USH2A: variants seen among roughly 807,000 people sequenced by gnomAD.
USH2A encodes Usher syndrome 2A (autosomal recessive, mild).
Under a neutral mutation model 538.9 loss-of-function variants are expected in USH2A, and 443 were observed. The ratio of observed to expected loss-of-function variants is 0.82; its 90% CI spans 0.76 to 0.89. The LOEUF is 0.89. Ranked by LOEUF, USH2A falls within the 40% of genes least tolerant of loss-of-function variation. USH2A has a pLI of 0.00. For synonymous variants in USH2A, 2,413 were observed against 2,273.5 expected (o/e 1.06, Z -1.75); for missense variants, 6,633 against 6,324.8 (o/e 1.05, Z -1.65).
intron 10 of USH2A, 34 bp from the exon 11 acceptor site, chr1:216,289,444 T>A (rs375120555): frequency 2.5e-6 from 4 of 1,613,138 alleles, no homozygotes; most frequent in Non-Finnish European, 3.4e-6. Context: ...TTATGACTTC[T>A]AATTCATTAA....
At chr1:215,712,433 T>C (rs1659363504) in intron 61 of USH2A, among the ~76,000 whole-genome samples, 1 of 152,180 alleles carries the variant, frequency 6.6e-6, no homozygotes, top group Non-Finnish European at 1.5e-5. Context: ...AGCACTGTCG[T>C]TTTTGAAGGC....
rs559786093 is a variant in USH2A, at chr1:216,316,054, A to T, written c.1644+5829T>A. 9.0e-4 allele frequency among the ~76,000 whole-genome samples: 137 copies of T among 152,296 alleles called. 1 individual carries two copies. Among genetic ancestry groups the T allele is most frequent in the African/African-American group, 3.2e-3 (131 of 41,572 alleles). On this transcript the variant is annotated intron_variant, in intron 9 of 71. Transcript: ENST00000307340. ...AGTATTCTCTATGAGTGAAGTATTT[A>T]TGGTATGTATCATACATTAAAGTCA... is the stretch of plus-strand genomic sequence containing the variant.
chr1:216,180,886 A>G (rs1040191627), intron 20 of USH2A, among the ~76,000 whole-genome samples: 5 of 152,110 alleles, frequency 3.3e-5, no homozygotes, highest in African/African-American at 9.7e-5. Context: ...GCAAAAGGGC[A>G]CTGGACCAGG....
intron 41 of USH2A, among the ~76,000 whole-genome samples, chr1:215,884,881 T>A (rs923769598): frequency 6.6e-6 from 1 of 152,210 alleles, no homozygotes; most frequent in Non-Finnish European, 1.5e-5. Flanking sequence ...TTCACCTGTC[T>A]GAGCTGAGTG....
intron 67 of USH2A, among the ~76,000 whole-genome samples, chr1:215,646,013 G>A (rs966926437): frequency 7.9e-5 from 12 of 151,500 alleles, no homozygotes; most frequent in African/African-American, 2.7e-4. Flanking sequence ...TTAATGCCAC[G>A]GGAAATGCAA....
chr1:215,968,330 T>C (rs1049112535), intron 36 of USH2A, among the ~76,000 whole-genome samples: 2 of 151,466 alleles, frequency 1.3e-5, no homozygotes, highest in Non-Finnish European at 2.9e-5. Context: ...TCATTGTGGG[T>C]TTTTTTTGTT....
intron 47 of USH2A, among the ~76,000 whole-genome samples, chr1:215,818,098 T>C (rs555765339): frequency 4.6e-5 from 7 of 152,006 alleles, no homozygotes; most frequent in African/African-American, 7.2e-5. Context: ...TAAATATATA[T>C]GCAAACTATG....
chr1:216,245,849 T>G (rs939721386), intron 13 of USH2A, among the ~76,000 whole-genome samples: 3 of 152,178 alleles, frequency 2.0e-5, no homozygotes, highest in African/African-American at 7.2e-5. Context: ...ATGCTCATTT[T>G]TATAGACCCA....
chr1:215,659,398 C>A (rs1657373200), intron 64 of USH2A, among the ~76,000 whole-genome samples: 1 of 152,032 alleles, frequency 6.6e-6, no homozygotes, highest in Non-Finnish European at 1.5e-5. Context: ...CAGAATTGGA[C>A]AAAAATGAGA....
At chr1:216,152,870 C>T (rs1043936048) in intron 21 of USH2A, among the ~76,000 whole-genome samples, 3 of 152,186 alleles carry the variant, frequency 2.0e-5, no homozygotes, top group Non-Finnish European at 4.4e-5. Flanking sequence ...CCACCATGCC[C>T]CACTATCCTA....
intron 21 of USH2A, chr1:216,174,201 A>C (rs183900846): frequency 1.0e-6 from 1 of 985,188 alleles, no homozygotes; most frequent in East Asian, 1.1e-4. Context: ...ATTCCATTTC[A>C]TTGTCTTCAC....
intron 12 of USH2A, among the ~76,000 whole-genome samples, chr1:216,249,929 A>C (rs1020066109): frequency 6.6e-6 from 1 of 151,960 alleles, no homozygotes; most frequent in East Asian, 1.9e-4. Flanking sequence ...GCATATTTTT[A>C]CTATTGTAAG....
intron 13 of USH2A, among the ~76,000 whole-genome samples, chr1:216,243,724 G>A (rs537079365): frequency 8.5e-5 from 13 of 152,162 alleles, no homozygotes; most frequent in Non-Finnish European, 1.5e-4. Flanking sequence ...AAGAAATGGA[G>A]CTCCAAATAT....
At chr1:216,137,767 C>T (rs2102607906) in intron 21 of USH2A, among the ~76,000 whole-genome samples, 1 of 152,180 alleles carries the variant, frequency 6.6e-6, no homozygotes, top group Non-Finnish European at 1.5e-5. Context: ...ATATTAATCT[C>T]CTTTGGCAAC....
intron 19 of USH2A, among the ~76,000 whole-genome samples, chr1:216,191,612 T>C (rs1263042755): frequency 2.0e-5 from 3 of 151,970 alleles, no homozygotes; most frequent in African/African-American, 7.2e-5. Flanking sequence ...AAAATCATTA[T>C]TGATATAATG....
At chr1:216,022,290 G>C (rs965015361) in intron 32 of USH2A, among the ~76,000 whole-genome samples, 1 of 152,156 alleles carries the variant, frequency 6.6e-6, no homozygotes, top group South Asian at 2.1e-4. Flanking sequence ...ACTGGGGAGT[G>C]GCATTCTTGG....
At chr1:216,343,133 G>T (rs929909602) in intron 4 of USH2A, among the ~76,000 whole-genome samples, 10 of 151,858 alleles carry the variant, frequency 6.6e-5, no homozygotes, top group Admixed American at 1.3e-4. Context: ...GTAATAATTG[G>T]CATAGATGCT....
chr1:216,120,808 G>A (rs2033122498), intron 21 of USH2A, among the ~76,000 whole-genome samples: 1 of 151,876 alleles, frequency 6.6e-6, no homozygotes, highest in Admixed American at 6.6e-5. Context: ...CCGAGATGGC[G>A]CCACTGCACT....
At chr1:215,702,010 T>A (rs906912411) in intron 61 of USH2A, among the ~76,000 whole-genome samples, 1 of 152,238 alleles carries the variant, frequency 6.6e-6, no homozygotes, top group African/African-American at 2.4e-5. Context: ...AATGCAGGCC[T>A]GGTGGTGTGA....
Sources: allele counts gnomAD v4.1 joint callset (sites outside exome capture counted in the v4.1 genomes callset), GRCh38; gene constraint gnomAD v4.1.1; transcripts MANE v1.5; gene names NCBI Gene and HGNC (gene_info 2026-07-23, HGNC 2026-07-21).